FAM13A: variants seen among roughly 807,000 people sequenced by gnomAD.
FAM13A encodes the protein family with sequence similarity 13 member A, also known as protein FAM13A.
A neutral mutation model predicts 129.6 loss-of-function variants in FAM13A; 76 were observed. That is an observed-to-expected ratio of 0.59 (90% confidence interval 0.49 to 0.71). FAM13A has a LOEUF of 0.71. Ranked by LOEUF, FAM13A falls within the 30% of genes least tolerant of loss-of-function variation. The pLI, the probability that FAM13A is intolerant of heterozygous loss-of-function variation, is 0.00. For missense variants in FAM13A, 1,108 were observed against 1,249.3 expected (o/e 0.89, Z 1.70); for synonymous variants, 443 against 449.9 (o/e 0.98, Z 0.20).
chr4:88,815,019 A>T (rs950489239), intron 7 of FAM13A, among the ~76,000 whole-genome samples: 12 of 151,944 alleles, frequency 7.9e-5, no homozygotes, highest in Non-Finnish European at 1.3e-4. Context: ...TTTAAAAAAA[A>T]TTTTGTAGAG....
intron 7 of FAM13A, among the ~76,000 whole-genome samples, chr4:88,833,357 T>C (rs1734241339): frequency 6.6e-6 from 1 of 152,144 alleles, no homozygotes; most frequent in South Asian, 2.1e-4. Flanking sequence ...CCTGCACATG[T>C]ACCCGGAACT....
chr4:88,931,584 A>G (rs531336854), intron 5 of FAM13A, among the ~76,000 whole-genome samples: 1 of 152,246 alleles, frequency 6.6e-6, no homozygotes, highest in South Asian at 2.1e-4. Flanking sequence ...TCTACTTACT[A>G]TTCTGGTCCC....
chr4:88,873,717 G>A (rs1020582825), intron 6 of FAM13A, among the ~76,000 whole-genome samples: 1 of 152,174 alleles, frequency 6.6e-6, no homozygotes, highest in African/African-American at 2.4e-5. Flanking sequence ...GAGGTACAAA[G>A]AGGAGCTGGT....
intron 7 of FAM13A, among the ~76,000 whole-genome samples, chr4:88,825,481 T>A (rs550816497): frequency 1.3e-5 from 2 of 152,306 alleles, no homozygotes; most frequent in South Asian, 2.1e-4. Context: ...CCTCCCAAAG[T>A]GCTGAGATTA....
At chr4:89,006,494 G>T (rs1354796799) in intron 3 of FAM13A, among the ~76,000 whole-genome samples, 1 of 152,208 alleles carries the variant, frequency 6.6e-6, no homozygotes, top group Admixed American at 6.5e-5. Flanking sequence ...ACCCCTTGTG[G>T]GAGGAGGAGC....
intron 4 of FAM13A, among the ~76,000 whole-genome samples, chr4:88,974,637 C>T (rs942812900): frequency 8.5e-5 from 13 of 152,108 alleles, no homozygotes; most frequent in Middle Eastern, 6.8e-3. Flanking sequence ...CCACCATGAC[C>T]GGCTAATTTT....
chr4:88,890,786 T>A (rs181191368), intron 6 of FAM13A, among the ~76,000 whole-genome samples: 1 of 152,006 alleles, frequency 6.6e-6, no homozygotes, highest in East Asian at 1.9e-4. Context: ...AAAGAGAAGG[T>A]CTCAAAAGAG....
At chr4:88,753,068 T>C (rs1742961401) in intron 14 of FAM13A, among the ~76,000 whole-genome samples, 1 of 152,242 alleles carries the variant, frequency 6.6e-6, no homozygotes, top group Admixed American at 6.5e-5. Context: ...TTTCTATTCA[T>C]AAAATCTTAG....
Position 88,887,530 on chromosome 4 carries a change from C to CTTT in FAM13A, c.843+18846_843+18848dup, listed in dbSNP as rs33953927. ...TTGGTTCACATATGTACCTTTCTTTCTTTCTTTTTTTTTTTTTTGAGACAG... is the reference window on the plus strand; with the variant it reads ...TTGGTTCACATATGTACCTTTCTTTCTTTTTTCTTTTTTTTTTTTTTGAGACAG... On this transcript the variant is annotated intron_variant, in intron 6 of 23. Transcript: ENST00000264344. Among the ~76,000 whole-genome samples the CTTT allele has an allele frequency of 5.0e-4, 65 of 128,766 alleles. 8 individuals carry two copies. Among genetic ancestry groups the CTTT allele is most frequent in the South Asian group, 1.5e-3 (6 of 4,076 alleles). 84.5% of individuals were successfully genotyped at this position (128,766 alleles called of 152,430 possible). A position where few individuals can be genotyped will look rare whatever the true frequency, so the allele number is the denominator to read the frequency against.
At chr4:88,902,006 G>C (rs867475378) in intron 6 of FAM13A, among the ~76,000 whole-genome samples, 11 of 152,046 alleles carry the variant, frequency 7.2e-5, no homozygotes, top group Admixed American at 4.6e-4. Flanking sequence ...AGAAAATCTA[G>C]AAGAAATGTT....
intron 7 of FAM13A, among the ~76,000 whole-genome samples, chr4:88,815,823 A>C (rs1730610235): frequency 6.6e-6 from 1 of 152,072 alleles, no homozygotes; most frequent in African/African-American, 2.4e-5. Context: ...AGAAAAATTA[A>C]AGAAGGCTGA....
At position 88,798,762 on chromosome 4, in the gene FAM13A, T is replaced by C. The variant is rs141387359; in HGVS notation, c.1049+6249A>G. On this transcript the variant is annotated intron_variant, in intron 8 of 23. Transcript: ENST00000264344. ...ATTAAATAGAAAGCTGGGAGTACTG[T>C]ATCAGGCAAAGGCAGTCTGCTACCT... Among the ~76,000 whole-genome samples, 798 of 152,340 alleles carry C rather than the reference T, an allele frequency of 5.2e-3. 1 individual carries two copies. Among genetic ancestry groups the C allele is most frequent in the Non-Finnish European group, 9.0e-3 (613 of 68,034 alleles).
chr4:88,749,098 T>G, intron 16 of FAM13A, 65 bp from the exon 17 acceptor site: 2 of 1,200,822 alleles, frequency 1.7e-6, no homozygotes, highest in South Asian at 1.2e-5. Flanking sequence ...AAGTGTTTGA[T>G]GATCATTTTT....
chr4:88,747,960 G>A (rs1741724231), intron 17 of FAM13A, 109 bp from the exon 18 acceptor site: 3 of 718,446 alleles, frequency 4.2e-6, no homozygotes, highest in African/African-American at 1.8e-5. Flanking sequence ...CACGATCTCG[G>A]CTCACTGCAA....
intron 7 of FAM13A, among the ~76,000 whole-genome samples, chr4:88,849,410 A>C (rs1737180477): frequency 6.6e-6 from 1 of 152,094 alleles, no homozygotes; most frequent in Non-Finnish European, 1.5e-5. Context: ...TTGGCTTCGT[A>C]TTACCTCTGG....
chr4:88,806,397 T>C (rs770467868), intron 7 of FAM13A, among the ~76,000 whole-genome samples: 1 of 152,198 alleles, frequency 6.6e-6, no homozygotes, highest in Non-Finnish European at 1.5e-5. Flanking sequence ...TTCTTAAGCA[T>C]CATTCATGAA....
intron 2 of FAM13A, among the ~76,000 whole-genome samples, chr4:89,025,518 C>T (rs1767862127): frequency 6.6e-6 from 1 of 151,950 alleles, no homozygotes; most frequent in African/African-American, 2.4e-5. Flanking sequence ...CCCGCCTCGG[C>T]CTCCCAAAGT....
Position 88,987,838 on chromosome 4 carries a change from C to CAAAAAAAAAAAAAAAAAAA in FAM13A, c.605+3134_605+3135insTTTTTTTTTTTTTTTTTTT, listed in dbSNP as rs1158179811. ...GCCTGGGTGACAGTGAGACTCCTCT[C>CAAAAAAAAAAAAAAAAAAA]AAAAAAAAAAAAAAAAACTTAATCT... is the stretch of plus-strand genomic sequence containing the variant. On this transcript the variant is annotated intron_variant, in intron 4 of 23. Transcript: ENST00000264344. Among the ~76,000 whole-genome samples the CAAAAAAAAAAAAAAAAAAA allele has an allele frequency of 3.0e-4, 21 of 71,164 alleles. 2 individuals are homozygous for CAAAAAAAAAAAAAAAAAAA. Among genetic ancestry groups the CAAAAAAAAAAAAAAAAAAA allele is most frequent in the South Asian group, 1.2e-3 (2 of 1,646 alleles). The allele number at this position is 71,164 out of a possible 152,430, so 46.7% of individuals were successfully genotyped here. A position where few individuals can be genotyped will look rare whatever the true frequency, so the allele number is the denominator to read the frequency against.
intron 10 of FAM13A, among the ~76,000 whole-genome samples, chr4:88,781,824 A>G (rs772452724): frequency 6.1e-4 from 92 of 150,246 alleles, no homozygotes; most frequent in Non-Finnish European, 7.6e-4. Flanking sequence ...GGAACATCAC[A>G]GTCCGGAGAC....
Sources: allele counts gnomAD v4.1 joint callset (sites outside exome capture counted in the v4.1 genomes callset), GRCh38; gene constraint gnomAD v4.1.1; transcripts MANE v1.5; gene names NCBI Gene and HGNC (gene_info 2026-07-23, HGNC 2026-07-21).